AGBL4: variants seen among roughly 807,000 people sequenced by gnomAD.
The protein encoded by AGBL4 is cytosolic carboxypeptidase 6.
In AGBL4, 58 loss-of-function variants were observed where a neutral mutation model predicts 66.4. That is an observed-to-expected ratio of 0.87 (90% CI 0.71 to 1.09). The LOEUF is 1.09. AGBL4 is among the 50% of genes least tolerant of loss of function. The probability of loss-of-function intolerance (pLI) is 0.00; values close to 1 mark genes in which losing one functional copy is unlikely to be tolerated. For missense variants in AGBL4, 579 were observed against 631.0 expected, an observed-to-expected ratio of 0.92 and a Z score of 0.88; for synonymous variants, 234 against 222.9, an observed-to-expected ratio of 1.05 and a Z score of -0.44.
At chr1:49,084,776 C>A (rs538125989) in intron 4 of AGBL4, among the ~76,000 whole-genome samples, 20 of 152,070 alleles carry the variant, frequency 1.3e-4, no homozygotes, top group Non-Finnish European at 2.4e-4. Context: ...AAACTATTGA[C>A]AAAAATATGT....
chr1:49,980,739 A>G (rs1165021464), intron 1 of AGBL4, among the ~76,000 whole-genome samples: 1 of 152,176 alleles, frequency 6.6e-6, no homozygotes, highest in Non-Finnish European at 1.5e-5. Context: ...TGAGTGTGCA[A>G]ATATCTCTTC....
intron 4 of AGBL4, among the ~76,000 whole-genome samples, chr1:49,130,489 T>C (rs1217430475): frequency 6.6e-6 from 1 of 152,214 alleles, no homozygotes; most frequent in Non-Finnish European, 1.5e-5. Flanking sequence ...TTAATTTTTG[T>C]ATAAGGTGTA....
intron 3 of AGBL4, among the ~76,000 whole-genome samples, chr1:49,639,262 C>A (rs1489455956): frequency 1.3e-5 from 2 of 152,020 alleles, no homozygotes; most frequent in Non-Finnish European, 2.9e-5. Flanking sequence ...ACCCTGCTAT[C>A]AAAATTGGAA....
At chr1:49,669,776 T>C (rs1393521358) in intron 3 of AGBL4, among the ~76,000 whole-genome samples, 1 of 152,170 alleles carries the variant, frequency 6.6e-6, no homozygotes, top group Admixed American at 6.5e-5. Context: ...TTTACAGGTA[T>C]GTAAACAGAG....
At chr1:49,604,337 G>A (rs2124186894) in intron 3 of AGBL4, among the ~76,000 whole-genome samples, 1 of 152,274 alleles carries the variant, frequency 6.6e-6, no homozygotes, top group Non-Finnish European at 1.5e-5. Context: ...GTGATGTTGA[G>A]CATTGCTTCA....
intron 3 of AGBL4, among the ~76,000 whole-genome samples, chr1:49,366,326 C>A (rs1644240631): frequency 6.6e-6 from 1 of 152,082 alleles, no homozygotes; most frequent in African/African-American, 2.4e-5. Flanking sequence ...AATTGTTTTT[C>A]CTCTTCCTAT....
At chr1:49,249,990 C>T (rs1163707583) in intron 3 of AGBL4, among the ~76,000 whole-genome samples, 1 of 152,060 alleles carries the variant, frequency 6.6e-6, no homozygotes, top group African/African-American at 2.4e-5. Flanking sequence ...ATAAATATTG[C>T]ATGTTTTCAC....
intron 3 of AGBL4, among the ~76,000 whole-genome samples, chr1:49,654,162 C>T (rs549600711): frequency 3.3e-5 from 5 of 152,126 alleles, no homozygotes; most frequent in Admixed American, 1.3e-4. Context: ...AGATTGGGGG[C>T]CAATATTCAA....
intron 1 of AGBL4, among the ~76,000 whole-genome samples, chr1:49,979,014 C>G (rs1219247746): frequency 6.6e-6 from 1 of 151,700 alleles, no homozygotes; most frequent in African/African-American, 2.4e-5. Flanking sequence ...TTTTAAAAAC[C>G]TATAGATGAA....
chr1:49,852,365 T>A (rs11205651), intron 1 of AGBL4, among the ~76,000 whole-genome samples: 3,059 of 152,146 alleles, frequency 0.02, 116 homozygotes, highest in African/African-American at 0.07. Flanking sequence ...TTATTAAACA[T>A]CAAATAAGGA....
intron 6 of AGBL4, among the ~76,000 whole-genome samples, chr1:48,838,401 C>T (rs1364754631): frequency 6.6e-6 from 1 of 152,034 alleles, no homozygotes; most frequent in African/African-American, 2.4e-5. Context: ...TTAATTAACT[C>T]ATTTTTGACA....
intron 4 of AGBL4, among the ~76,000 whole-genome samples, chr1:49,232,223 T>C (rs1420039786): frequency 6.6e-5 from 10 of 152,146 alleles, no homozygotes; most frequent in Non-Finnish European, 1.5e-5. Context: ...AACTATATAG[T>C]ATATTAATTA....
chr1:49,010,288 AAGAGAATAAAATACCT>A (rs1466249917), intron 5 of AGBL4, among the ~76,000 whole-genome samples: 32 of 136,992 alleles, frequency 2.3e-4, no homozygotes, highest in Non-Finnish European at 3.1e-4. Flanking sequence ...AATTGCTTCA[AAGAGAATAAAATACCT>A]AGGAATCCAA....
chr1:48,786,849 T>A (rs1645419540), intron 6 of AGBL4, among the ~76,000 whole-genome samples: 1 of 152,120 alleles, frequency 6.6e-6, no homozygotes, highest in African/African-American at 2.4e-5. Flanking sequence ...GTCAGAGATA[T>A]CTCTGTGAAA....
At chr1:49,595,375 C>T (rs183048862) in intron 3 of AGBL4, among the ~76,000 whole-genome samples, 2 of 152,148 alleles carry the variant, frequency 1.3e-5, no homozygotes, top group Non-Finnish European at 2.9e-5. Context: ...AGGCATGAGC[C>T]ACTGCACCTG....
chr1:49,138,574 T>C (rs1305988584), intron 4 of AGBL4, among the ~76,000 whole-genome samples: 2 of 152,144 alleles, frequency 1.3e-5, no homozygotes, highest in Non-Finnish European at 2.9e-5. Context: ...GTAATTTTGG[T>C]TGTCAAAGGC....
At chr1:48,918,673 A>C (rs1296703030) in intron 5 of AGBL4, among the ~76,000 whole-genome samples, 1 of 152,140 alleles carries the variant, frequency 6.6e-6, no homozygotes, top group Non-Finnish European at 1.5e-5. Context: ...CCGAAACCTG[A>C]CCATGCTGGC....
At chr1:49,740,780 C>G (rs942823862) in intron 2 of AGBL4, among the ~76,000 whole-genome samples, 3 of 152,170 alleles carry the variant, frequency 2.0e-5, no homozygotes, top group African/African-American at 4.8e-5. Flanking sequence ...GGAAACTGAA[C>G]AAACTGCTCC....
intron 3 of AGBL4, among the ~76,000 whole-genome samples, chr1:49,659,400 C>T (rs750411194): frequency 2.6e-5 from 4 of 152,056 alleles, no homozygotes; most frequent in Non-Finnish European, 4.4e-5. Context: ...TATTGGTGTG[C>T]TGTATGCAAG....
Sources: allele counts gnomAD v4.1 joint callset (sites outside exome capture counted in the v4.1 genomes callset), GRCh38; gene constraint gnomAD v4.1.1; transcripts MANE v1.5; gene names NCBI Gene and HGNC (gene_info 2026-07-23, HGNC 2026-07-21).